RBM33: variants seen among roughly 807,000 people sequenced by gnomAD.
The protein encoded by RBM33 is RNA-binding protein 33.
A neutral mutation model predicts 132.6 loss-of-function variants in RBM33; 28 were observed. The observed-to-expected ratio is 0.21, with a 90% confidence interval of 0.16 to 0.29. The LOEUF is 0.29. Ranked by LOEUF, RBM33 falls within the 10% of genes least tolerant of loss-of-function variation. The probability of loss-of-function intolerance (pLI) is 1.00; values close to 1 mark genes in which losing one functional copy is unlikely to be tolerated. For missense variants in RBM33, 1,291 were observed against 1,518.5 expected, an observed-to-expected ratio of 0.85 and a Z score of 2.49; for synonymous variants, 634 against 593.0, an observed-to-expected ratio of 1.07 and a Z score of -1.01.
At chr7:155,661,097 GGTGTGTGTGTGTGTGTGTGTGT>G (rs59345780) in intron 1 of RBM33, among the ~76,000 whole-genome samples, 2 of 110,152 alleles carry the variant, frequency 1.8e-5, no homozygotes, top group Non-Finnish European at 3.4e-5. Flanking sequence ...GTGTGTGTGT[GGTGTGTGTGTGTGTGTGTGTGT>G]GTGTGTGTGT....
chr7:155,737,704 C>T (rs1490562627), intron 10 of RBM33, 42 bp downstream of exon 10: 2 of 1,508,672 alleles, frequency 1.3e-6, no homozygotes, highest in Non-Finnish European at 1.8e-6. Flanking sequence ...ACAGAAGCTG[C>T]ATTGGGTGAT....
Position 155,681,523 on chromosome 7 carries a change from G to A in RBM33, c.567+615G>A, listed in dbSNP as rs779338571. On this transcript the variant is annotated intron_variant, in intron 5 of 17. Transcript: ENST00000401878. Reference sequence around the variant, plus strand: ...GTTGAACCAACAAGAAAGAAAAAATGTACTAGTGTAAGATTCTCACCTTTA... The same window carrying A: ...GTTGAACCAACAAGAAAGAAAAAATATACTAGTGTAAGATTCTCACCTTTA... Among the ~76,000 whole-genome samples the A allele has an allele frequency of 7.9e-5, 12 of 152,040 alleles. No individual in the cohort carries two copies. In the Middle Eastern group the frequency reaches 0.01, roughly 130 times the overall value.
intron 9 of RBM33, among the ~76,000 whole-genome samples, chr7:155,727,230 G>T (rs1800818910): frequency 6.6e-6 from 1 of 152,216 alleles, no homozygotes. Context: ...AAGGGCAGAA[G>T]GTGCAGGCCA....
At chr7:155,645,799 C>A (rs1007873131) in intron 1 of RBM33, among the ~76,000 whole-genome samples, 4 of 152,144 alleles carry the variant, frequency 2.6e-5, no homozygotes, top group Non-Finnish European at 4.4e-5. Flanking sequence ...CGTTGAAAAG[C>A]CAGTCTAGTG....
chr7:155,659,454 A>G (rs1160664338), intron 1 of RBM33, among the ~76,000 whole-genome samples: 1 of 152,148 alleles, frequency 6.6e-6, no homozygotes, highest in South Asian at 2.1e-4. Flanking sequence ...ACAGTAGCTA[A>G]AGTAAACTCT....
intron 8 of RBM33, among the ~76,000 whole-genome samples, chr7:155,713,190 C>T (rs1182518143): frequency 6.6e-6 from 1 of 152,064 alleles, no homozygotes; most frequent in Non-Finnish European, 1.5e-5. Context: ...ATCAAAAGTT[C>T]TGTTTTGGGT....
intron 4 of RBM33, among the ~76,000 whole-genome samples, 155 bp downstream of exon 4, chr7:155,678,839 G>A (rs935524131): frequency 2.0e-5 from 3 of 152,120 alleles, no homozygotes; most frequent in Admixed American, 2.0e-4. Flanking sequence ...AACTGTAGAA[G>A]CCATATGGAT....
chr7:155,711,374 C>G lies in RBM33; in HGVS notation c.1120C>G (p.Pro374Ala), dbSNP rs1800293094. The G allele has an allele frequency of 6.3e-7, 1 of 1,587,332 alleles. No homozygotes were observed. Among genetic ancestry groups the G allele is most frequent in the East Asian group, 2.4e-5 (1 of 42,232 alleles). ...QLETPRMMMT[P>A]PPVTPQQPKN... Reference sequence around the variant, plus strand: ...AGAGACCCCAAGGATGATGATGACCCCGCCACCCGTGACTCCACAGCAGCC... The same window carrying G: ...AGAGACCCCAAGGATGATGATGACCGCGCCACCCGTGACTCCACAGCAGCC... The change falls in exon 8 of 18, where the codon CCG becomes GCG. Residue 374 changes from proline (P) to alanine (A), a missense_variant. Coordinates refer to ENST00000401878, the MANE Select transcript of RBM33 (RefSeq NM_053043.3).
chr7:155,726,675 T>C (rs1800802362), intron 9 of RBM33, among the ~76,000 whole-genome samples: 1 of 152,222 alleles, frequency 6.6e-6, no homozygotes, highest in African/African-American at 2.4e-5. Context: ...GAATTGGTAA[T>C]GTAGTACCCT....
intron 2 of RBM33, among the ~76,000 whole-genome samples, chr7:155,671,391 C>T (rs546281906): frequency 6.6e-6 from 1 of 152,102 alleles, no homozygotes; most frequent in Non-Finnish European, 1.5e-5. Flanking sequence ...CATGTCCTAT[C>T]CTTGTTTTCT....
chr7:155,665,921 C>T (rs1585411397), intron 2 of RBM33, among the ~76,000 whole-genome samples: 1 of 152,148 alleles, frequency 6.6e-6, no homozygotes, highest in African/African-American at 2.4e-5. Flanking sequence ...ACCTTAAATA[C>T]TGTGTTGAGA....
At chr7:155,668,168 A>G (rs1398140521) in intron 2 of RBM33, among the ~76,000 whole-genome samples, 3 of 152,304 alleles carry the variant, frequency 2.0e-5, no homozygotes, top group East Asian at 1.9e-4. Context: ...ATCTACATAC[A>G]TATGTATACA....
rs1802731351 is a variant in RBM33, at chr7:155,779,268, G to C, written c.*4227G>C. On this transcript the variant is annotated 3_prime_UTR_variant, in exon 18 of 18. Coordinates refer to ENST00000401878, the MANE Select transcript of RBM33 (RefSeq NM_053043.3). ...AGAGAAAGCTCGAAAGGTATTATTG[G>C]TTTTTCAAAAAATTAGAGGTGACGA... 6.6e-6 allele frequency: 1 copy of C among 151,472 alleles called. No homozygotes were observed. Among genetic ancestry groups the C allele is most frequent in the Admixed American group, 6.6e-5 (1 of 15,214 alleles). The allele number at this position is 151,472 out of a possible 1,614,324, so 9.4% of individuals were successfully genotyped here. A position where few individuals can be genotyped will look rare whatever the true frequency, so the allele number is the denominator to read the frequency against.
chr7:155,679,638 A>G (rs550671680), intron 4 of RBM33, among the ~76,000 whole-genome samples: 10 of 152,374 alleles, frequency 6.6e-5, no homozygotes, highest in Admixed American at 3.3e-4. Flanking sequence ...CAGATTTTCT[A>G]ACATAAAGTA....
chr7:155,669,044 C>CT (rs1482335566), intron 2 of RBM33, among the ~76,000 whole-genome samples: 7 of 151,924 alleles, frequency 4.6e-5, no homozygotes, highest in East Asian at 1.9e-4. Context: ...TGAACGAGCT[C>CT]TTTTTTTTAC....
intron 16 of RBM33, chr7:155,766,883 C>T (rs181759233): frequency 3.6e-6 from 2 of 558,326 alleles, no homozygotes; most frequent in East Asian, 3.1e-5. Context: ...AATAAATACC[C>T]CAGCTGAACA....
At chr7:155,699,308 C>G (rs903030489) in intron 5 of RBM33, among the ~76,000 whole-genome samples, 3 of 152,184 alleles carry the variant, frequency 2.0e-5, no homozygotes, top group African/African-American at 7.2e-5. Flanking sequence ...TGCAGAACCC[C>G]AGGCCCCATC....
intron 13 of RBM33, among the ~76,000 whole-genome samples, chr7:155,742,542 G>A (rs911749038): frequency 1.3e-5 from 2 of 152,196 alleles, no homozygotes; most frequent in South Asian, 2.1e-4. Flanking sequence ...GTGGTGGACC[G>A]GACTCAGCCT....
intron 9 of RBM33, among the ~76,000 whole-genome samples, chr7:155,735,904 C>G (rs1801111990): frequency 6.6e-6 from 1 of 152,128 alleles, no homozygotes; most frequent in Non-Finnish European, 1.5e-5. Flanking sequence ...ATGTCTTTAT[C>G]TAGAGAAGTG....
Sources: allele counts gnomAD v4.1 joint callset (sites outside exome capture counted in the v4.1 genomes callset), GRCh38; gene constraint gnomAD v4.1.1; transcripts MANE v1.5; gene names NCBI Gene and HGNC (gene_info 2026-07-23, HGNC 2026-07-21).